Variants in PIAS2 observed in about 807,000 individuals in gnomAD.
PIAS2 encodes E3 SUMO-protein ligase PIAS2.
A neutral mutation model predicts 69.7 loss-of-function variants in PIAS2; 19 were observed. The observed-to-expected ratio is 0.27, with a 90% CI of 0.19 to 0.40. The LOEUF (loss-of-function observed/expected upper bound fraction) is 0.40, where lower values mean the gene tolerates loss of function less well. Among genes scored for constraint, PIAS2 ranks in the 10% least tolerant of loss-of-function variants. The pLI is 1.00. For synonymous variants in PIAS2, 261 were observed against 263.2 expected (o/e 0.99, Z 0.08); for missense variants, 624 against 757.0 (o/e 0.82, Z 2.06).
At chr18:46,833,365 C>G (rs1180126961) in intron 9 of PIAS2, among the ~76,000 whole-genome samples, 2 of 152,064 alleles carry the variant, frequency 1.3e-5, no homozygotes, top group African/African-American at 4.8e-5. Context: ...GAAAGCATAT[C>G]AGTGTTTGCT....
chr18:46,812,667 AAGAGACT>A, intron 13 of PIAS2, 55 bp from the exon 14 acceptor site: 1 of 1,059,268 alleles, frequency 9.4e-7, no homozygotes, highest in South Asian at 1.5e-5. Context: ...ATTTTAAATA[AAGAGACT>A]AGAAATTATT....
intron 1 of PIAS2, among the ~76,000 whole-genome samples, chr18:46,892,117 A>G (rs1395725368): frequency 6.6e-6 from 1 of 152,018 alleles, no homozygotes; most frequent in African/African-American, 2.4e-5. Context: ...GTCACTTGGG[A>G]TTCCTTTTCA....
chr18:46,917,269 C>A (rs1272703733), intron 1 of PIAS2, 53 bp downstream of exon 1: 5 of 1,444,854 alleles, frequency 3.5e-6, no homozygotes, highest in Non-Finnish European at 4.6e-6. Context: ...GCGGTTTCCC[C>A]ACCTCCTCTC....
intron 1 of PIAS2, 188 bp downstream of exon 1, chr18:46,917,134 C>T: frequency 9.9e-7 from 1 of 1,010,258 alleles, no homozygotes; most frequent in Non-Finnish European, 1.2e-6. Flanking sequence ...CCCCGCGCCG[C>T]CCGCGTGCCC....
intron 1 of PIAS2, among the ~76,000 whole-genome samples, chr18:46,911,988 T>C (rs1337725424): frequency 1.3e-5 from 2 of 151,476 alleles, no homozygotes; most frequent in Non-Finnish European, 2.9e-5. Context: ...GAGGCGGAGG[T>C]TGCAGTGAGC....
rs869285083 is a variant in PIAS2 at position 46,807,383 on chromosome 18, A to ATTTTTT, written c.*5044_*5049dup. On this transcript the variant is annotated 3_prime_UTR_variant, in exon 14 of 14. Transcript: ENST00000585916. ...TATATATATATATATATATATATAT[A>ATTTTTT]TTTTTTTTTTTTTTTTTTTTTTTTT... 20 of 11,596 alleles carry ATTTTTT rather than the reference A, an allele frequency of 1.7e-3. 1 individual carries two copies. Among genetic ancestry groups the ATTTTTT allele is most frequent in the East Asian group, 3.0e-3 (1 of 328 alleles). 0.7% of individuals were successfully genotyped at this position (11,596 alleles called of 1,614,324 possible).
intron 12 of PIAS2, chr18:46,817,456 TC>T: frequency 1.0e-6 from 1 of 958,726 alleles, no homozygotes; most frequent in Non-Finnish European, 1.2e-6. Flanking sequence ...CCACTGAGGA[TC>T]CTATTTTTGT....
In PIAS2 at chr18:46,879,095, G is replaced by A. The variant is rs530835857; in HGVS notation, c.499+11485C>T. Among the ~76,000 whole-genome samples the A allele has an allele frequency of 9.9e-5, 15 of 152,214 alleles. No homozygotes were observed. The South Asian group carries it at 1.9e-3, about 19-fold the overall frequency. ...CATTTTCTAAGATCCTGAGCTATCCGGTTCTCATCACCTACCAGCTACTGT... is the reference window on the plus strand; with the variant it reads ...CATTTTCTAAGATCCTGAGCTATCCAGTTCTCATCACCTACCAGCTACTGT... On this transcript the variant is annotated intron_variant, in intron 2 of 13. Transcript: ENST00000585916.
intron 3 of PIAS2, among the ~76,000 whole-genome samples, chr18:46,863,735 T>C (rs1372147651): frequency 6.6e-6 from 1 of 152,244 alleles, no homozygotes; most frequent in African/African-American, 2.4e-5. Flanking sequence ...AGTCAAAGTA[T>C]ACTACCCTTT....
Position 46,810,016 on chromosome 18 carries a change from T to C in PIAS2, c.*2417A>G, listed in dbSNP as rs2040897995. The C allele has an allele frequency of 6.6e-6, 1 of 152,130 alleles. No homozygotes were observed. The highest frequency in any genetic ancestry group is 6.5e-5 in the Admixed American group (1 of 15,272). The allele number at this position is 152,130 out of a possible 1,614,324, so 9.4% of individuals were successfully genotyped here. A position where few individuals can be genotyped will look rare whatever the true frequency, so the allele number is the denominator to read the frequency against. On this transcript the variant is annotated 3_prime_UTR_variant, in exon 14 of 14. Transcript: ENST00000585916. ...TGATGTTGCCATAAGGCCAAAGTCA[T>C]AAAGTACTAATGCTCAAGACAGATA...
At chr18:46,896,010 T>C (rs1302438696) in intron 1 of PIAS2, among the ~76,000 whole-genome samples, 1 of 151,788 alleles carries the variant, frequency 6.6e-6, no homozygotes, top group African/African-American at 2.4e-5. Flanking sequence ...ATAAAAAAAA[T>C]GCTACATTCC....
intron 1 of PIAS2, chr18:46,917,027 A>T (rs1008551275): frequency 5.4e-5 from 53 of 987,200 alleles, no homozygotes; most frequent in Non-Finnish European, 6.4e-5. Context: ...TCGGGTCCCC[A>T]TGTGCCCCTC....
intron 12 of PIAS2, chr18:46,818,373 G>A (rs1331792918): frequency 1.3e-6 from 2 of 1,543,784 alleles, no homozygotes; most frequent in African/African-American, 1.4e-5. Flanking sequence ...GTTTTATTTT[G>A]TATTCACTGT....
At chr18:46,820,795 A>G (rs1350679203) in intron 12 of PIAS2, 138 bp downstream of exon 12, 12 of 653,674 alleles carry the variant, frequency 1.8e-5, no homozygotes, top group East Asian at 5.6e-5. Context: ...ATAAAAACAG[A>G]TAAGACCTTT....
At chr18:46,852,613 G>A (rs1188098413) in intron 5 of PIAS2, 1 of 152,240 alleles carries the variant, frequency 6.6e-6, no homozygotes, top group Non-Finnish European at 1.5e-5. Flanking sequence ...CCCAGAGGAA[G>A]TACTCAACTG....
chr18:46,841,561 C>T (rs2045389476), intron 8 of PIAS2, among the ~76,000 whole-genome samples: 1 of 152,190 alleles, frequency 6.6e-6, no homozygotes, highest in Admixed American at 6.5e-5. Context: ...AATCAAAACA[C>T]CTGTGTCTGG....
chr18:46,840,193 C>A (rs941970987), intron 8 of PIAS2, among the ~76,000 whole-genome samples: 1 of 151,974 alleles, frequency 6.6e-6, no homozygotes, highest in Non-Finnish European at 1.5e-5. Context: ...AAAATTAAGA[C>A]CTCAAAGACA....
At chr18:46,831,768 C>A (rs957263093) in intron 9 of PIAS2, among the ~76,000 whole-genome samples, 1 of 152,110 alleles carries the variant, frequency 6.6e-6, no homozygotes, top group Non-Finnish European at 1.5e-5. Flanking sequence ...AAAAACAAAA[C>A]CCTTGTTCTT....
In PIAS2 at chr18:46,906,778, G is replaced by C. The variant is rs990403911; in HGVS notation, c.24+10544C>G. Among the ~76,000 whole-genome samples the C allele has an allele frequency of 3.4e-4, 49 of 145,308 alleles. 1 individual carries two copies. Among genetic ancestry groups the C allele is most frequent in the Non-Finnish European group, 5.9e-4 (39 of 65,954 alleles). On this transcript the variant is annotated intron_variant, in intron 1 of 13. Coordinates refer to ENST00000585916, the MANE Select transcript of PIAS2 (RefSeq NM_004671.5). ...ACAAGATGTATGTGTGTGTGTGGGGGGGGGGGGAGGTGTATAACATGAAAA... is the reference window on the plus strand; with the variant it reads ...ACAAGATGTATGTGTGTGTGTGGGGCGGGGGGGAGGTGTATAACATGAAAA...
Sources: allele counts gnomAD v4.1 joint callset (sites outside exome capture counted in the v4.1 genomes callset), GRCh38; gene constraint gnomAD v4.1.1; transcripts MANE v1.5; gene names NCBI Gene and HGNC (gene_info 2026-07-23, HGNC 2026-07-21).